ALKBH3: variants seen among roughly 807,000 people sequenced by gnomAD.
The protein encoded by ALKBH3 is alkB homolog 3, alpha-ketoglutarate dependent dioxygenase.
In ALKBH3, 51 loss-of-function variants were observed where a neutral mutation model predicts 43.9. That is an observed-to-expected ratio of 1.16 (90% CI 0.93 to 1.47). The LOEUF (loss-of-function observed/expected upper bound fraction) is 1.47. Among genes scored for constraint, ALKBH3 ranks in the 40% most tolerant of loss-of-function variants. The pLI is 0.00. For missense variants in ALKBH3, 361 were observed against 351.9 expected (o/e 1.03, Z -0.21); for synonymous variants, 102 against 115.2 (o/e 0.89, Z 0.73).
chr11:43,910,955 G>A (rs1479241465), intron 8 of ALKBH3, among the ~76,000 whole-genome samples: 1 of 152,086 alleles, frequency 6.6e-6, no homozygotes, highest in Non-Finnish European at 1.5e-5. Context: ...TATGTGTCAG[G>A]TATTATACTA....
chr11:43,896,904 C>T (rs934711651), intron 7 of ALKBH3, among the ~76,000 whole-genome samples: 9 of 152,108 alleles, frequency 5.9e-5, no homozygotes, highest in Admixed American at 5.9e-4. Flanking sequence ...AAAGTGTAGG[C>T]TGGACCAATG....
At chr11:43,918,044 A>T (rs945188234) in intron 8 of ALKBH3, among the ~76,000 whole-genome samples, 2 of 152,192 alleles carry the variant, frequency 1.3e-5, no homozygotes, top group African/African-American at 2.4e-5. Flanking sequence ...ACTGAAATCA[A>T]TCCTGCAGTA....
At chr11:43,884,375 C>CTTT (rs113557050) in intron 4 of ALKBH3, among the ~76,000 whole-genome samples, 4 of 134,116 alleles carry the variant, frequency 3.0e-5, no homozygotes, top group African/African-American at 5.5e-5. Context: ...TTAATTGCCT[C>CTTT]TTTTTTTTTT....
intron 5 of ALKBH3, among the ~76,000 whole-genome samples, chr11:43,888,407 A>G (rs1357309670): frequency 6.6e-6 from 1 of 152,186 alleles, no homozygotes; most frequent in Non-Finnish European, 1.5e-5. Flanking sequence ...GTGGCCTAGG[A>G]TAGATTTCAG....
At chr11:43,901,919 A>G (rs1490851814) in intron 8 of ALKBH3, among the ~76,000 whole-genome samples, 194 bp downstream of exon 8, 1 of 152,176 alleles carries the variant, frequency 6.6e-6, no homozygotes, top group Non-Finnish European at 1.5e-5. Flanking sequence ...TACAAGTCCA[A>G]CAAGAATTGG....
chr11:43,881,286 A>G (rs34070018), intron 1 of ALKBH3, 107 bp downstream of exon 1: 10,366 of 152,378 alleles, frequency 0.068, 488 homozygotes, highest in Middle Eastern at 0.15. Flanking sequence ...CTGGTTCTCA[A>G]GCTTTATGTG....
chr11:43,893,142 A>C (rs936860124), intron 7 of ALKBH3, among the ~76,000 whole-genome samples: 4 of 152,190 alleles, frequency 2.6e-5, no homozygotes, highest in African/African-American at 9.7e-5. Context: ...GGCTGTGGGG[A>C]AGTTCTTTCT....
intron 2 of ALKBH3, 65 bp downstream of exon 2, chr11:43,882,796 A>G (rs1951721049): frequency 1.4e-6 from 2 of 1,477,614 alleles, no homozygotes; most frequent in Admixed American, 2.3e-5. Flanking sequence ...TTTTATTTAT[A>G]TCCTTTTGGT....
At chr11:43,917,298 C>G (rs1365299064) in intron 8 of ALKBH3, among the ~76,000 whole-genome samples, 1 of 152,162 alleles carries the variant, frequency 6.6e-6, no homozygotes, top group Non-Finnish European at 1.5e-5. Context: ...TAGTGTTTAC[C>G]TATTCTCTTC....
At chr11:43,892,791 A>G (rs1951793189) in intron 7 of ALKBH3, among the ~76,000 whole-genome samples, 1 of 152,226 alleles carries the variant, frequency 6.6e-6, no homozygotes, top group South Asian at 2.1e-4. Context: ...AAGAAAATGG[A>G]GTTTTGCTTA....
chr11:43,885,452 C>T (rs950733875), intron 4 of ALKBH3, among the ~76,000 whole-genome samples: 1 of 152,204 alleles, frequency 6.6e-6, no homozygotes, highest in Non-Finnish European at 1.5e-5. Flanking sequence ...CATACATCTA[C>T]TTAAAAGCCT....
At position 43,889,771 on chromosome 11, in the gene ALKBH3, A is replaced by T; in HGVS notation, c.313A>T (p.Ile105Leu). ...GFVDVKEADWILEQLCQDVPW... is the reference protein window; with the variant it reads ...GFVDVKEADWLLEQLCQDVPW... ...TGTTGACGTGAAAGAAGCTGACTGG[A>T]TATTGGAACAGCTTTGTCAAGATGT... Residue 105 changes from isoleucine to leucine, a missense_variant, in exon 6 of 10, where the codon ATA becomes TTA. Physicochemically the swap from Ile to Leu is conservative, Grantham distance 5. Coordinates refer to ENST00000302708, the MANE Select transcript of ALKBH3 (RefSeq NM_139178.4). 6.2e-7 allele frequency: 1 copy of T among 1,614,042 alleles called. No individual in the cohort carries two copies. The highest frequency in any genetic ancestry group is 2.2e-5 in the East Asian group (1 of 44,868).
Position 43,899,871 on chromosome 11 carries a change from G to C in ALKBH3, c.460-1645G>C, listed in dbSNP as rs1168572336. On this transcript the variant is annotated intron_variant, in intron 7 of 9. Transcript: ENST00000302708. The stretch of plus-strand genomic sequence containing the variant: ...CAATTAAAAGATTGACGTGGTCTCA[G>C]GAAAAAAAAAAAAAAAAAGGAAACC... Among the ~76,000 whole-genome samples the C allele has an allele frequency of 3.1e-5, 3 of 97,884 alleles. No individual in the cohort carries two copies. The South Asian group carries it at 9.4e-4, about 31-fold the overall frequency. The allele number at this position is 97,884 out of a possible 152,430, so 64.2% of individuals were successfully genotyped here.
chr11:43,902,593 T>C (rs192338748), intron 8 of ALKBH3, among the ~76,000 whole-genome samples: 80 of 152,284 alleles, frequency 5.3e-4, no homozygotes, highest in Admixed American at 1.4e-3. Context: ...ACAGGCTGTT[T>C]TTTTGTTTGC....
chr11:43,892,626 T>C (rs574608965), intron 7 of ALKBH3, among the ~76,000 whole-genome samples: 240 of 152,384 alleles, frequency 1.6e-3, no homozygotes, highest in Non-Finnish European at 2.8e-3. Context: ...TGCTTTTGCT[T>C]TTAAAAAATT....
intron 7 of ALKBH3, among the ~76,000 whole-genome samples, chr11:43,900,215 A>AATTTTTTTTTTTTTT (rs1554976906): frequency 1.1e-5 from 1 of 87,150 alleles, no homozygotes; most frequent in African/African-American, 4.5e-5. Context: ...TTTTAATTTA[A>AATTTTTTTTTTTTTT]TTTTTTTTTT....
chr11:43,917,854 T>G (rs1951995997), intron 8 of ALKBH3, among the ~76,000 whole-genome samples: 1 of 152,220 alleles, frequency 6.6e-6, no homozygotes, highest in South Asian at 2.1e-4. Context: ...TGCTTCTATC[T>G]TCTGTCTATA....
chr11:43,918,779 CAT>C (rs1470567954), intron 8 of ALKBH3: 1 of 403,784 alleles, frequency 2.5e-6, no homozygotes, highest in Non-Finnish European at 4.4e-6. Context: ...GGGATTTACA[CAT>C]ATTCTATCAA....
intron 8 of ALKBH3, 63 bp downstream of exon 8, chr11:43,901,788 T>C (rs1951865885): frequency 1.3e-6 from 2 of 1,545,714 alleles, no homozygotes; most frequent in Non-Finnish European, 1.8e-6. Context: ...AAAGTAGAAC[T>C]CCTAAAAGCT....
Sources: allele counts gnomAD v4.1 joint callset (sites outside exome capture counted in the v4.1 genomes callset), GRCh38; gene constraint gnomAD v4.1.1; transcripts MANE v1.5; gene names NCBI Gene and HGNC (gene_info 2026-07-23, HGNC 2026-07-21).